SSBP4: variants seen among roughly 807,000 people sequenced by gnomAD.
The protein encoded by SSBP4 is single stranded DNA binding protein 4.
In SSBP4, 33 loss-of-function variants were observed where a neutral mutation model predicts 64.6. That is an observed-to-expected ratio of 0.51 (90% confidence interval 0.39 to 0.68). SSBP4 has a LOEUF of 0.68. Ranked by LOEUF, SSBP4 falls within the 30% of genes least tolerant of loss-of-function variation. The pLI is 0.00. For missense variants in SSBP4, 583 were observed against 566.8 expected (o/e 1.03, Z -0.29); for synonymous variants, 243 against 224.0 (o/e 1.08, Z -0.76).
Position 18,427,820 on chromosome 19 carries a change from G to A in SSBP4, c.194+7G>A. 1 of 1,612,250 alleles carries A rather than the reference G, an allele frequency of 6.2e-7. No individual in the cohort carries two copies. ...TCCTGCACTCCTGGTGGTGGTACGG[G>A]CTGGGCTGCTGTGGGTGGGCTGTGG... On this transcript the variant is annotated splice_region_variant and intron_variant, in intron 3 of 17. Coordinates refer to ENST00000270061, the MANE Select transcript of SSBP4 (RefSeq NM_032627.5). The surrounding 1 kb of genome is among the most constrained non-coding windows in gnomAD (Gnocchi z 4.4).
In SSBP4 at chr19:18,431,876, C is replaced by G; in HGVS notation, c.565+14C>G. 1 of 1,567,994 alleles carries G rather than the reference C, an allele frequency of 6.4e-7. No individual in the cohort carries two copies. The highest frequency in any genetic ancestry group is 2.4e-5 in the East Asian group (1 of 42,464). On this transcript the variant is annotated intron_variant, in intron 8 of 17. Transcript: ENST00000270061. Reference sequence around the variant, plus strand: ...CACGAGCCCAGGGTGAGTAGGGAAGCTCCAGCCCCTATCCCGCCATCAATC... The same window carrying G: ...CACGAGCCCAGGGTGAGTAGGGAAGGTCCAGCCCCTATCCCGCCATCAATC...
chr19:18,403,023 T>C, the SSBP4 span, among the ~76,000 whole-genome samples: 1 of 152,202 alleles, frequency 6.6e-6, no homozygotes, highest in Admixed American at 6.5e-5. Context: ...TTTGTTCAAT[T>C]CTGAGATAGG....
Position 18,433,210 on chromosome 19 carries a change from C to T in SSBP4, c.988C>T (p.Leu330=), listed in dbSNP as rs764712742. 1 of 1,564,686 alleles carries T rather than the reference C, an allele frequency of 6.4e-7. No homozygotes were observed. The highest frequency in any genetic ancestry group is 2.4e-5 in the East Asian group (1 of 41,872). ...GGAGCCTCACCACGTGAACGGATCC[C>T]TGGGTGAGTGGGCGTCCCTGCTCCC... is the stretch of plus-strand genomic sequence containing the variant. ...AMEPHHVNGS[L]GSGDMDGLPK... Residue 330 remains leucine, a synonymous_variant, in exon 15 of 18, where the codon CTG becomes TTG. Coordinates refer to ENST00000270061, the MANE Select transcript of SSBP4 (RefSeq NM_032627.5).
At chr19:18,424,544 G>T (rs539249528) in intron 1 of SSBP4, among the ~76,000 whole-genome samples, 165 of 151,930 alleles carry the variant, frequency 1.1e-3, no homozygotes, top group Non-Finnish European at 1.7e-3. Flanking sequence ...TGGGGTGACA[G>T]GGCAGCCAGT....
At chr19:18,402,873 C>T in the SSBP4 span, among the ~76,000 whole-genome samples, 4 of 152,282 alleles carry the variant, frequency 2.6e-5, 1 homozygote, top group South Asian at 6.2e-4. Flanking sequence ...ATCGTCCCCC[C>T]AGCCCGACAC....
the SSBP4 span, among the ~76,000 whole-genome samples, chr19:18,405,715 A>G: frequency 6.8e-6 from 1 of 146,930 alleles, no homozygotes; most frequent in Admixed American, 6.8e-5. Flanking sequence ...GGCCAAGTGC[A>G]GTGGCTCATG....
chr19:18,433,292 C>T, intron 15 of SSBP4, 79 bp downstream of exon 15: 1 of 1,504,010 alleles, frequency 6.6e-7, no homozygotes, highest in Non-Finnish European at 8.9e-7. Context: ...TGCCGTCAGC[C>T]CGCCTGCCGG....
At chr19:18,419,247 G>A, upstream of SSBP4, 1 of 990,012 alleles carries the variant, frequency 1.0e-6, no homozygotes. Flanking sequence ...GTGTGTAGCC[G>A]CGCCCCCACC....
chr19:18,406,391 G>C, the SSBP4 span, among the ~76,000 whole-genome samples: 1 of 151,676 alleles, frequency 6.6e-6, no homozygotes, highest in African/African-American at 2.4e-5. Context: ...ATGTTAGCCA[G>C]GCTGGTCTCA....
intron 17 of SSBP4, 154 bp from the exon 18 acceptor site, chr19:18,434,063 C>G (rs996891492): frequency 4.6e-6 from 6 of 1,299,752 alleles, no homozygotes; most frequent in Non-Finnish European, 5.9e-6. Context: ...GGCGGCCTTC[C>G]CATGCATCGC....
At chr19:18,428,055 G>A in intron 4 of SSBP4, 73 bp downstream of exon 4, 1 of 1,400,458 alleles carries the variant, frequency 7.1e-7, no homozygotes, top group Non-Finnish European at 9.9e-7. Context: ...GGGAGGTGGG[G>A]TGGGGGGCTG....
the SSBP4 span, among the ~76,000 whole-genome samples, chr19:18,413,157 T>TG: frequency 6.7e-6 from 1 of 149,406 alleles, no homozygotes; most frequent in Admixed American, 6.6e-5. Flanking sequence ...GTTTTTTTTT[T>TG]TTTTTTTTTA....
intron 15 of SSBP4, 131 bp from the exon 16 acceptor site, chr19:18,433,454 G>C (rs1460926283): frequency 6.8e-7 from 1 of 1,468,022 alleles, no homozygotes; most frequent in Non-Finnish European, 9.2e-7. Context: ...TCAGTCCCGG[G>C]GTTCCTGGCG....
intron 17 of SSBP4, 175 bp downstream of exon 17, chr19:18,433,992 C>T (rs1433696282): frequency 1.3e-5 from 16 of 1,206,426 alleles, no homozygotes; most frequent in African/African-American, 1.1e-4. Flanking sequence ...CCCCCACCAC[C>T]TCCCGCTCCT....
At position 18,432,737 on chromosome 19, in the gene SSBP4, T is replaced by C; in HGVS notation, c.786+2T>C. On this transcript the variant is annotated splice_donor_variant, in intron 12 of 17. Transcript: ENST00000270061. LOFTEE classifies it high-confidence loss of function. ...TCCTCATCCCCCGGCAGCTACACCG[T>C]AAGTCTGAGCAAAGCTGGGTCACCC... 5 of 1,602,254 alleles carry C rather than the reference T, an allele frequency of 3.1e-6. No homozygotes were observed. Among genetic ancestry groups the C allele is most frequent in the Non-Finnish European group, 4.3e-6 (5 of 1,171,570 alleles).
chr19:18,406,810 G>C, the SSBP4 span, among the ~76,000 whole-genome samples: 3 of 152,138 alleles, frequency 2.0e-5, no homozygotes, highest in African/African-American at 7.2e-5. Flanking sequence ...GGAGCCAGCG[G>C]TCAGGACCAG....
intron 17 of SSBP4, 54 bp from the exon 18 acceptor site, chr19:18,434,163 C>G: frequency 6.2e-7 from 1 of 1,607,328 alleles, no homozygotes; most frequent in Non-Finnish European, 8.5e-7. Context: ...CGGGTCCCAG[C>G]CTCTTCCGGA....
chr19:18,433,873 G>T, intron 17 of SSBP4, 56 bp downstream of exon 17: 2 of 1,293,636 alleles, frequency 1.5e-6, no homozygotes, highest in Non-Finnish European at 1.9e-6. Context: ...AGGGGCTGGC[G>T]GGCAGGCCCC....
chr19:18,404,240 C>G, the SSBP4 span, among the ~76,000 whole-genome samples: 2 of 151,702 alleles, frequency 1.3e-5, no homozygotes, highest in Non-Finnish European at 2.9e-5. Context: ...CAGAGACCCT[C>G]AGAGATCCCC....
Sources: allele counts gnomAD v4.1 joint callset (sites outside exome capture counted in the v4.1 genomes callset), GRCh38; gene constraint gnomAD v4.1.1; non-coding constraint Gnocchi (gnomAD v3.1); transcripts MANE v1.5; gene names NCBI Gene and HGNC (gene_info 2026-07-23, HGNC 2026-07-21).